The following SKAP2 variants were observed in gnomAD, a reference collection of about 807,000 sequenced individuals.
SKAP2 encodes src kinase associated phosphoprotein 2.
In SKAP2, 28 loss-of-function variants were observed where a neutral mutation model predicts 54.9. The observed-to-expected ratio is 0.51, with a 90% CI of 0.38 to 0.70. The LOEUF is 0.70. Among genes scored for constraint, SKAP2 ranks in the 30% least tolerant of loss-of-function variants. The pLI is 0.00. For missense variants in SKAP2, 356 were observed against 424.1 expected, an observed-to-expected ratio of 0.84 and a Z score of 1.41; for synonymous variants, 137 against 134.3, an observed-to-expected ratio of 1.02 and a Z score of -0.14.
chr7:26,736,708 C>G (rs1787951768), intron 6 of SKAP2, among the ~76,000 whole-genome samples: 1 of 152,128 alleles, frequency 6.6e-6, no homozygotes, highest in Non-Finnish European at 1.5e-5. Context: ...AGACCCCCTT[C>G]CAGTAACAGA....
chr7:26,695,528 C>T (rs1786875933), intron 9 of SKAP2, among the ~76,000 whole-genome samples: 1 of 152,126 alleles, frequency 6.6e-6, no homozygotes, highest in Non-Finnish European at 1.5e-5. Context: ...TAGGCATATG[C>T]CTTAACTCTA....
intron 3 of SKAP2, among the ~76,000 whole-genome samples, chr7:26,844,703 C>G (rs1303745125): frequency 6.6e-6 from 1 of 152,054 alleles, no homozygotes; most frequent in Non-Finnish European, 1.5e-5. Flanking sequence ...TTCCAGAGCA[C>G]AAATCTTTTA....
chr7:26,731,262 G>T (rs1787819426), intron 6 of SKAP2, among the ~76,000 whole-genome samples: 1 of 152,154 alleles, frequency 6.6e-6, no homozygotes, highest in Non-Finnish European at 1.5e-5. Context: ...CAAATTTTTA[G>T]CAAGCACCCC....
At chr7:26,694,949 A>AT (rs1584335701) in intron 9 of SKAP2, among the ~76,000 whole-genome samples, 1 of 152,144 alleles carries the variant, frequency 6.6e-6, no homozygotes, top group African/African-American at 2.4e-5. Flanking sequence ...CGGCTTACTA[A>AT]TGTTCTTATC....
chr7:26,805,008 T>C (rs1257196139), intron 4 of SKAP2, among the ~76,000 whole-genome samples: 1 of 152,148 alleles, frequency 6.6e-6, no homozygotes, highest in Non-Finnish European at 1.5e-5. Flanking sequence ...ATGTCTAATA[T>C]GCACAGAAAA....
At chr7:26,839,883 C>T (rs898074422) in intron 4 of SKAP2, among the ~76,000 whole-genome samples, 1 of 151,952 alleles carries the variant, frequency 6.6e-6, no homozygotes, top group African/African-American at 2.4e-5. Context: ...TATTTATAGG[C>T]ATCCTGGAGA....
intron 9 of SKAP2, among the ~76,000 whole-genome samples, chr7:26,714,170 T>C (rs1787375388): frequency 6.6e-6 from 1 of 152,120 alleles, no homozygotes; most frequent in Non-Finnish European, 1.5e-5. Context: ...CAAGAATTTG[T>C]GTGCTTAAGA....
Position 26,694,657 on chromosome 7 carries a change from G to A in SKAP2, c.797-4295C>T, listed in dbSNP as rs1408985510. 1.2e-4 allele frequency among the ~76,000 whole-genome samples: 18 copies of A among 146,608 alleles called. 1 individual carries two copies. Among genetic ancestry groups the A allele is most frequent in the Non-Finnish European group, 1.8e-4 (12 of 66,790 alleles). On this transcript the variant is annotated intron_variant, in intron 9 of 12. Coordinates refer to ENST00000345317, the MANE Select transcript of SKAP2 (RefSeq NM_003930.5). ...CTTCCAGGAGCAATCAGACCCTGAA[G>A]AATTAAAAAAAAAAACAACTGCACC... is the stretch of plus-strand genomic sequence containing the variant.
intron 4 of SKAP2, among the ~76,000 whole-genome samples, chr7:26,743,211 AG>A (rs1214572273): frequency 3.3e-5 from 5 of 152,156 alleles, no homozygotes; most frequent in African/African-American, 1.2e-4. Flanking sequence ...CCTAAAAAAA[AG>A]TTTTGCACTG....
intron 9 of SKAP2, among the ~76,000 whole-genome samples, chr7:26,705,765 G>A (rs1787142947): frequency 1.3e-5 from 2 of 152,256 alleles, no homozygotes; most frequent in Admixed American, 6.5e-5. Context: ...AACCCACAGT[G>A]GATTCAACAA....
At chr7:26,774,775 T>C (rs7807640) in intron 4 of SKAP2, among the ~76,000 whole-genome samples, 65,616 of 151,952 alleles carry the variant, frequency 0.43, 14,630 homozygotes, top group Middle Eastern at 0.49. Context: ...GTCAGAGAGA[T>C]GTGGATAACA....
intron 6 of SKAP2, among the ~76,000 whole-genome samples, chr7:26,732,045 G>T (rs1004594874): frequency 3.9e-5 from 6 of 152,158 alleles, no homozygotes; most frequent in African/African-American, 1.4e-4. Context: ...ATTATTTGGG[G>T]CTCCCCAGCA....
At chr7:26,807,941 T>C (rs1784063679) in intron 4 of SKAP2, among the ~76,000 whole-genome samples, 1 of 152,226 alleles carries the variant, frequency 6.6e-6, no homozygotes, top group Admixed American at 6.5e-5. Context: ...TAATACTAAT[T>C]GCACACTTAA....
Position 26,679,070 on chromosome 7 carries a change from C to T in SKAP2, c.987+5666G>A, listed in dbSNP as rs558641249. Among the ~76,000 whole-genome samples, 16 of 152,278 alleles carry T rather than the reference C, an allele frequency of 1.1e-4. No homozygotes were observed. In the South Asian group the frequency reaches 3.3e-3, roughly 32 times the overall value. The stretch of plus-strand genomic sequence containing the variant: ...GCTGCCAAACTCTTAGTTATTCATG[C>T]TGAAGTAAATCACATAGGCCTTACA... On this transcript the variant is annotated intron_variant, in intron 11 of 12. Coordinates refer to ENST00000345317, the MANE Select transcript of SKAP2 (RefSeq NM_003930.5).
chr7:26,795,158 A>T (rs894088645), intron 4 of SKAP2, among the ~76,000 whole-genome samples: 1 of 152,222 alleles, frequency 6.6e-6, no homozygotes, highest in Non-Finnish European at 1.5e-5. Flanking sequence ...GCTACACAGT[A>T]TTTGCTTCAG....
intron 4 of SKAP2, among the ~76,000 whole-genome samples, chr7:26,796,634 A>G (rs139275175): frequency 1.2e-3 from 177 of 152,390 alleles, no homozygotes; most frequent in Admixed American, 3.5e-3. Flanking sequence ...AATCGATTGC[A>G]TAAATAGATG....
At chr7:26,703,799 T>G (rs1044264142) in intron 9 of SKAP2, among the ~76,000 whole-genome samples, 1 of 152,140 alleles carries the variant, frequency 6.6e-6, no homozygotes, top group Admixed American at 6.5e-5. Context: ...AACCCATCAT[T>G]AACATTTTAC....
chr7:26,750,715 A>G (rs1290626178), intron 4 of SKAP2, among the ~76,000 whole-genome samples: 1 of 152,204 alleles, frequency 6.6e-6, no homozygotes, highest in African/African-American at 2.4e-5. Flanking sequence ...TTGGTTTAAA[A>G]ACACATATAC....
intron 9 of SKAP2, among the ~76,000 whole-genome samples, chr7:26,710,386 T>A (rs1554295237): frequency 1.3e-5 from 2 of 152,140 alleles, no homozygotes; most frequent in Non-Finnish European, 2.9e-5. Context: ...GTTAGAAAAG[T>A]TTAGAGAAGC....
Sources: gnomAD v4.1 joint callset for allele counts (sites outside exome capture counted in the v4.1 genomes callset) on GRCh38, gnomAD v4.1.1 for gene constraint, MANE v1.5 for transcripts, NCBI Gene and HGNC (gene_info 2026-07-23, HGNC 2026-07-21) for gene names.